The following CFAP54 variants were observed in gnomAD, a reference collection of about 807,000 sequenced individuals.
The protein encoded by CFAP54 is cilia and flagella associated protein 54, also known as cilia- and flagella-associated protein 54.
A neutral mutation model predicts 370.4 loss-of-function variants in CFAP54; 290 were observed. The ratio of observed to expected loss-of-function variants is 0.78; its 90% CI spans 0.71 to 0.86. The LOEUF (loss-of-function observed/expected upper bound fraction) is 0.86, where lower values mean the gene tolerates loss of function less well. CFAP54 is among the 40% of genes least tolerant of loss of function. CFAP54 has a pLI of 0.00. For synonymous variants in CFAP54, 1,206 were observed against 1,236.5 expected (o/e 0.98, Z 0.52); for missense variants, 3,399 against 3,528.7 (o/e 0.96, Z 0.93).
intron 63 of CFAP54, among the ~76,000 whole-genome samples, chr12:96,806,465 A>G (rs187727960): frequency 3.3e-5 from 5 of 151,830 alleles, no homozygotes; most frequent in Admixed American, 2.6e-4. Context: ...CAGTCTACAA[A>G]TAAGAGATGT....
chr12:96,594,262 T>A, intron 24 of CFAP54, 29 bp from the exon 25 acceptor site: 1 of 1,479,640 alleles, frequency 6.8e-7, no homozygotes. Context: ...CTATGTTCAA[T>A]CTGAGTAACA....
At chr12:96,678,287 G>A (rs75822303) in intron 39 of CFAP54, among the ~76,000 whole-genome samples, 3,377 of 152,170 alleles carry the variant, frequency 0.022, 129 homozygotes, top group African/African-American at 0.076. Context: ...CTGAGACGGA[G>A]TCACCCAGGC....
At chr12:96,561,032 C>T (rs138068249) in intron 17 of CFAP54, among the ~76,000 whole-genome samples, 227 of 152,264 alleles carry the variant, frequency 1.5e-3, no homozygotes, top group African/African-American at 5.2e-3. Flanking sequence ...TTTAAAGTCA[C>T]TTGCCATCAT....
chr12:96,740,095 TTATCA>T (rs1366768993), intron 51 of CFAP54, 34 bp downstream of exon 51: 1 of 1,156,464 alleles, frequency 8.6e-7, no homozygotes, highest in Non-Finnish European at 1.3e-6. Context: ...CTTACAATAC[TTATCA>T]TATAAGAACT....
intron 26 of CFAP54, among the ~76,000 whole-genome samples, chr12:96,602,633 G>C (rs1956255927): frequency 6.6e-6 from 1 of 152,088 alleles, no homozygotes; most frequent in South Asian, 2.1e-4. Flanking sequence ...TATGAATCTG[G>C]GTGCTCCTGT....
At chr12:96,809,551 G>A (rs1958911202) in intron 63 of CFAP54, among the ~76,000 whole-genome samples, 2 of 152,006 alleles carry the variant, frequency 1.3e-5, no homozygotes, top group South Asian at 4.2e-4. Flanking sequence ...TTCTATCTGA[G>A]GATATTAATT....
Position 96,823,795 on chromosome 12 carries a change from G to T in CFAP54, c.9097-5219G>T, listed in dbSNP as rs370022169. Among the ~76,000 whole-genome samples, 12 of 152,302 alleles carry T rather than the reference G, an allele frequency of 7.9e-5. No homozygotes were observed. The East Asian group carries it at 1.2e-3, about 15-fold the overall frequency. The stretch of plus-strand genomic sequence containing the variant: ...TAAGAGAGGGCTGTGGGAAAGCAGG[G>T]CTGGATCTTGGGGCCTAGGACAAGG... On this transcript the variant is annotated intron_variant, in intron 65 of 67. Coordinates refer to ENST00000524981, the MANE Select transcript of CFAP54 (RefSeq NM_001306084.2).
chr12:96,599,028 C>T (rs1055413452), intron 26 of CFAP54, among the ~76,000 whole-genome samples: 5 of 152,062 alleles, frequency 3.3e-5, no homozygotes, highest in African/African-American at 4.8e-5. Flanking sequence ...TATTATTATA[C>T]TTTAAGTTCT....
chr12:96,634,812 G>T (rs1956647104), intron 32 of CFAP54, among the ~76,000 whole-genome samples: 2 of 152,114 alleles, frequency 1.3e-5, no homozygotes, highest in Non-Finnish European at 2.9e-5. Context: ...ATATCTAATT[G>T]CTCCAATGTC....
At chr12:96,818,313 T>C (rs1387942216) in intron 65 of CFAP54, among the ~76,000 whole-genome samples, 4 of 152,216 alleles carry the variant, frequency 2.6e-5, no homozygotes, top group Non-Finnish European at 5.9e-5. Context: ...TTTTCAGACT[T>C]TTTATATTAC....
intron 50 of CFAP54, among the ~76,000 whole-genome samples, chr12:96,735,338 CG>C (rs1565959111): frequency 1.3e-5 from 2 of 152,270 alleles, no homozygotes; most frequent in East Asian, 3.9e-4. Flanking sequence ...GGAACAGCAT[CG>C]GGGGCCAGGA....
chr12:96,513,341 C>T (rs1173221599), intron 5 of CFAP54, among the ~76,000 whole-genome samples: 3 of 152,270 alleles, frequency 2.0e-5, no homozygotes, highest in East Asian at 1.9e-4. Flanking sequence ...CATCTGGTTG[C>T]TATAGCTTTA....
rs879517925 is a variant in CFAP54 at position 96,874,612 on chromosome 12, C to CTTTTTTTTTTTTTTTTTTT, written c.*15-498_*15-497insTTTTTTTTTTTTTTTTTTT. On this transcript the variant is annotated intron_variant, in intron 67 of 67. Coordinates refer to ENST00000524981, the MANE Select transcript of CFAP54 (RefSeq NM_001306084.2). Reference sequence around the variant, plus strand: ...GTTCTGTTCTGTTTTGGGATCTCTGCTTTTTTTTATTTTTATTTTATTTTT... The same window carrying CTTTTTTTTTTTTTTTTTTT: ...GTTCTGTTCTGTTTTGGGATCTCTGCTTTTTTTTTTTTTTTTTTTTTTTTTTTATTTTTATTTTATTTTT... Among the ~76,000 whole-genome samples, 10 of 40,074 alleles carry CTTTTTTTTTTTTTTTTTTT rather than the reference C, an allele frequency of 2.5e-4. 4 individuals carry two copies. The highest frequency in any genetic ancestry group is 9.7e-5 in the Non-Finnish European group (2 of 20,588). 26.3% of individuals were successfully genotyped at this position (40,074 alleles called of 152,430 possible).
intron 20 of CFAP54, among the ~76,000 whole-genome samples, chr12:96,580,167 T>TC (rs1956017960): frequency 7.1e-6 from 1 of 140,076 alleles, no homozygotes; most frequent in African/African-American, 3.2e-5. Flanking sequence ...AGTGTTAATC[T>TC]TTTTTTTTAC....
intron 62 of CFAP54, among the ~76,000 whole-genome samples, chr12:96,790,586 C>T (rs1411437875): frequency 1.3e-5 from 2 of 151,754 alleles, no homozygotes; most frequent in East Asian, 3.9e-4. Flanking sequence ...GAATTGTTTG[C>T]TAAAATAGTT....
intron 60 of CFAP54, among the ~76,000 whole-genome samples, chr12:96,782,935 G>A (rs1157294394): frequency 6.6e-6 from 1 of 152,116 alleles, no homozygotes; most frequent in Non-Finnish European, 1.5e-5. Flanking sequence ...ATCAATGGTA[G>A]AATAGATATA....
At chr12:96,667,318 C>T (rs1454389199) in intron 39 of CFAP54, among the ~76,000 whole-genome samples, 4 of 152,198 alleles carry the variant, frequency 2.6e-5, no homozygotes, top group Admixed American at 6.5e-5. Context: ...GTGGGGGCTC[C>T]AACCCCACAT....
intron 3 of CFAP54, among the ~76,000 whole-genome samples, chr12:96,505,127 G>C (rs1289402689): frequency 6.9e-6 from 1 of 144,876 alleles, no homozygotes; most frequent in Non-Finnish European, 1.5e-5. Context: ...GCAGTGGCAT[G>C]ATCTCAGTTC....
At chr12:96,836,967 A>T (rs946989878) in intron 66 of CFAP54, among the ~76,000 whole-genome samples, 1 of 152,154 alleles carries the variant, frequency 6.6e-6, no homozygotes, top group African/African-American at 2.4e-5. Flanking sequence ...AGCTAGGACT[A>T]TAGGCACATG....
Sources: gnomAD v4.1 joint callset for allele counts (sites outside exome capture counted in the v4.1 genomes callset) on GRCh38, gnomAD v4.1.1 for gene constraint, MANE v1.5 for transcripts, NCBI Gene and HGNC (gene_info 2026-07-23, HGNC 2026-07-21) for gene names.